Variants in KCNMA1 observed in about 807,000 individuals in gnomAD.
KCNMA1 encodes potassium calcium-activated channel subfamily M alpha 1, also known as Calcium-activated potassium channel subunit alpha-1.
A neutral mutation model predicts 140.0 loss-of-function variants in KCNMA1; 29 were observed. The observed-to-expected ratio is 0.21, with a 90% confidence interval of 0.15 to 0.28. The LOEUF is 0.28. Among genes scored for constraint, KCNMA1 ranks in the 10% least tolerant of loss-of-function variants. The probability of loss-of-function intolerance (pLI) is 1.00; values close to 1 mark genes in which losing one functional copy is unlikely to be tolerated. For synonymous variants in KCNMA1, 612 were observed against 611.9 expected (o/e 1.00, Z 0.00); for missense variants, 880 against 1,602.2 (o/e 0.55, Z 7.70).
At chr10:77,125,389 G>T (rs1295794582) in intron 5 of KCNMA1, among the ~76,000 whole-genome samples, 1 of 152,224 alleles carries the variant, frequency 6.6e-6, no homozygotes, top group African/African-American at 2.4e-5. Context: ...GATGTCTTCA[G>T]TGACACTTGA....
chr10:77,354,086 A>C (rs998260283), intron 2 of KCNMA1, among the ~76,000 whole-genome samples: 2 of 152,086 alleles, frequency 1.3e-5, no homozygotes, highest in African/African-American at 4.8e-5. Context: ...TCCTGGGTTC[A>C]AGCGATTCTC....
chr10:77,296,902 G>GGT (rs1260949078), intron 2 of KCNMA1, among the ~76,000 whole-genome samples: 57 of 138,036 alleles, frequency 4.1e-4, no homozygotes, highest in Non-Finnish European at 7.2e-4. Context: ...GGAATGCCTG[G>GGT]GTGTGTGGGC....
At chr10:77,064,880 C>A (rs1335247379) in intron 14 of KCNMA1, among the ~76,000 whole-genome samples, 3 of 152,194 alleles carry the variant, frequency 2.0e-5, no homozygotes, top group Non-Finnish European at 2.9e-5. Flanking sequence ...AGCTTTATAA[C>A]CAAATCTAAC....
At chr10:77,319,333 C>T (rs1335891212) in intron 2 of KCNMA1, among the ~76,000 whole-genome samples, 2 of 152,204 alleles carry the variant, frequency 1.3e-5, no homozygotes, top group African/African-American at 4.8e-5. Context: ...GAAGATTTCA[C>T]AGGTAAGGCA....
chr10:77,036,348 A>G (rs974550690), intron 15 of KCNMA1, among the ~76,000 whole-genome samples: 1 of 152,174 alleles, frequency 6.6e-6, no homozygotes, highest in African/African-American at 2.4e-5. Context: ...CTCTTGGGAA[A>G]CAATCTCAAA....
chr10:77,510,629 CA>C (rs71305691), intron 1 of KCNMA1, among the ~76,000 whole-genome samples: 111 of 140,232 alleles, frequency 7.9e-4, no homozygotes, highest in East Asian at 1.3e-3. Context: ...CCTGTCTCTA[CA>C]AAAAAAAAAA....
intron 11 of KCNMA1, among the ~76,000 whole-genome samples, chr10:77,085,097 G>A (rs1254004761): frequency 3.3e-5 from 5 of 152,182 alleles, no homozygotes; most frequent in Non-Finnish European, 5.9e-5. Flanking sequence ...GGAGTTGGAG[G>A]TGGGTGGGTT....
chr10:76,980,776 G>C (rs115513203), intron 19 of KCNMA1, among the ~76,000 whole-genome samples: 2,259 of 152,162 alleles, frequency 0.015, 55 homozygotes, highest in African/African-American at 0.051. Flanking sequence ...TGACACTCAA[G>C]TGTACCATCC....
chr10:77,454,885 C>G (rs2097731474), intron 1 of KCNMA1, among the ~76,000 whole-genome samples: 1 of 152,104 alleles, frequency 6.6e-6, no homozygotes, highest in South Asian at 2.1e-4. Context: ...TCCAAGGCAT[C>G]CATCCAATGT....
intron 3 of KCNMA1, among the ~76,000 whole-genome samples, chr10:77,247,998 C>T (rs1051622148): frequency 3.3e-5 from 5 of 152,212 alleles, no homozygotes; most frequent in South Asian, 2.1e-4. Context: ...CCAAAGAAAA[C>T]GCCCTATGCT....
At chr10:77,442,774 C>T (rs1048851457) in intron 1 of KCNMA1, among the ~76,000 whole-genome samples, 1 of 152,158 alleles carries the variant, frequency 6.6e-6, no homozygotes, top group African/African-American at 2.4e-5. Flanking sequence ...TTTCTCCACG[C>T]TCCCCTCCTC....
At chr10:77,422,946 AC>A (rs1165791351) in intron 1 of KCNMA1, among the ~76,000 whole-genome samples, 1 of 152,180 alleles carries the variant, frequency 6.6e-6, no homozygotes, top group Non-Finnish European at 1.5e-5. Context: ...TTTTAAGTCA[AC>A]CCCGTTGTTA....
chr10:77,541,695 T>C (rs1336452199), intron 1 of KCNMA1, among the ~76,000 whole-genome samples: 2 of 151,998 alleles, frequency 1.3e-5, no homozygotes, highest in Non-Finnish European at 2.9e-5. Flanking sequence ...ACTAAAAAAA[T>C]AAGAAAGAAC....
chr10:77,058,966 T>C (rs963530556), intron 14 of KCNMA1, among the ~76,000 whole-genome samples: 1 of 151,786 alleles, frequency 6.6e-6, no homozygotes, highest in African/African-American at 2.4e-5. Context: ...ACTTTATATC[T>C]AGTAAGAGTG....
chr10:77,056,593 CAGATGCCA>C (rs71028249), intron 14 of KCNMA1, among the ~76,000 whole-genome samples: 12,397 of 152,094 alleles, frequency 0.082, 632 homozygotes, highest in Non-Finnish European at 0.12. Context: ...AGACAATCAG[CAGATGCCA>C]ATGCCTAGAT....
intron 2 of KCNMA1, among the ~76,000 whole-genome samples, chr10:77,266,420 T>C (rs1483115823): frequency 2.0e-5 from 3 of 152,200 alleles, no homozygotes; most frequent in African/African-American, 7.2e-5. Context: ...GGCAATAATA[T>C]GACTTCTCTT....
chr10:76,920,018 GTGTATATATATATATATATATATA>G (rs1341459163), intron 23 of KCNMA1, among the ~76,000 whole-genome samples: 3 of 43,584 alleles, frequency 6.9e-5, no homozygotes, highest in Non-Finnish European at 1.2e-4. Context: ...GTGTGTGTGT[GTGTATATATATATATATATATATA>G]TATATATATA....
At chr10:77,241,243 C>T (rs1289131454) in intron 3 of KCNMA1, among the ~76,000 whole-genome samples, 1 of 152,290 alleles carries the variant, frequency 6.6e-6, no homozygotes, top group African/African-American at 2.4e-5. Context: ...GCAGGCAGTG[C>T]AGGCACAGTG....
chr10:77,110,412 G>C, intron 7 of KCNMA1, 69 bp from the exon 8 acceptor site: 1 of 1,376,868 alleles, frequency 7.3e-7, no homozygotes, highest in East Asian at 2.3e-5. Context: ...CAATAAACGC[G>C]GAAGCTCGGC....
Sources: gnomAD v4.1 joint callset for allele counts (sites outside exome capture counted in the v4.1 genomes callset) on GRCh38, gnomAD v4.1.1 for gene constraint, MANE v1.5 for transcripts, NCBI Gene and HGNC (gene_info 2026-07-23, HGNC 2026-07-21) for gene names.